IPO11: variants seen among roughly 807,000 people sequenced by gnomAD.
The protein encoded by IPO11 is importin-11.
A neutral mutation model predicts 143.2 loss-of-function variants in IPO11; 66 were observed. The ratio of observed to expected loss-of-function variants is 0.46; its 90% confidence interval spans 0.38 to 0.57. The LOEUF is 0.57. Ranked by LOEUF, IPO11 falls within the 20% of genes least tolerant of loss-of-function variation. The pLI is 0.00. For synonymous variants in IPO11, 385 were observed against 377.8 expected (o/e 1.02, Z -0.22); for missense variants, 1,026 against 1,141.0 (o/e 0.90, Z 1.45).
At chr5:62,553,127 C>T (rs935964343) in intron 26 of IPO11, among the ~76,000 whole-genome samples, 4 of 152,016 alleles carry the variant, frequency 2.6e-5, no homozygotes, top group Non-Finnish European at 5.9e-5. Context: ...CTTACCTTTC[C>T]CAGTCTAGTA....
At position 62,515,369 on chromosome 5, in the gene IPO11, T is replaced by G. The variant is rs762944327; in HGVS notation, c.1783-19T>G. 6.4e-7 allele frequency: 1 copy of G among 1,554,234 alleles called. No individual in the cohort carries two copies. Among genetic ancestry groups the G allele is most frequent in the African/African-American group, 1.4e-5 (1 of 72,352 alleles). ...TTACCAATAAAATTTTGTTGTTTCC[T>G]CTACTTATATTGTAATAGATACGAC... On this transcript the variant is annotated intron_variant, in intron 19 of 29. Transcript: ENST00000325324.
intron 20 of IPO11, among the ~76,000 whole-genome samples, chr5:62,517,764 A>G (rs2112290402): frequency 1.3e-5 from 2 of 152,288 alleles, no homozygotes; most frequent in South Asian, 4.1e-4. Context: ...CTAAACACCA[A>G]CTTTCAAGTC....
chr5:62,434,113 C>A (rs1744085971), intron 1 of IPO11, among the ~76,000 whole-genome samples: 1 of 152,154 alleles, frequency 6.6e-6, no homozygotes, highest in South Asian at 2.1e-4. Context: ...AAGTGTCAGT[C>A]ATGTTGGCCT....
chr5:62,615,559 A>G (rs1746099297), intron 29 of IPO11, among the ~76,000 whole-genome samples: 1 of 152,184 alleles, frequency 6.6e-6, no homozygotes, highest in Non-Finnish European at 1.5e-5. Context: ...AATCCCTGGA[A>G]CCTGTGAATG....
chr5:62,448,806 A>G (rs1312033366), intron 3 of IPO11, among the ~76,000 whole-genome samples: 1 of 152,144 alleles, frequency 6.6e-6, no homozygotes, highest in African/African-American at 2.4e-5. Context: ...CAGTCCTTCT[A>G]TCTCAGCCTC....
intron 3 of IPO11, among the ~76,000 whole-genome samples, chr5:62,444,088 T>G (rs1186225772): frequency 6.6e-6 from 1 of 151,004 alleles, no homozygotes; most frequent in African/African-American, 2.4e-5. Flanking sequence ...AAAGCAGACA[T>G]GTCTTTTTCT....
chr5:62,612,242 A>G (rs1442193050), intron 29 of IPO11, among the ~76,000 whole-genome samples: 2 of 152,198 alleles, frequency 1.3e-5, no homozygotes, highest in South Asian at 2.1e-4. Context: ...TGTTAAAAAA[A>G]TCATTCAAAG....
chr5:62,550,315 C>G, intron 24 of IPO11, 52 bp from the exon 25 acceptor site: 2 of 1,352,576 alleles, frequency 1.5e-6, no homozygotes, highest in East Asian at 2.3e-5. Context: ...ATGTGTTTTT[C>G]ATAAAGCAAT....
intron 19 of IPO11, 35 bp from the exon 20 acceptor site, chr5:62,515,353 A>T (rs765325018): frequency 6.8e-7 from 1 of 1,463,788 alleles, no homozygotes; most frequent in South Asian, 1.2e-5. Flanking sequence ...TTTACCAATA[A>T]AATTTTGTTG....
chr5:62,428,567 C>T (rs1488446636), intron 1 of IPO11, among the ~76,000 whole-genome samples: 2 of 152,108 alleles, frequency 1.3e-5, no homozygotes, highest in Admixed American at 1.3e-4. Context: ...TGGTCTTGAA[C>T]TCCTGACGTC....
intron 1 of IPO11, among the ~76,000 whole-genome samples, chr5:62,428,586 C>T (rs1432622531): frequency 6.6e-6 from 1 of 152,106 alleles, no homozygotes; most frequent in African/African-American, 2.4e-5. Context: ...TCGTGATCCA[C>T]CCACCTCAGC....
In IPO11 at chr5:62,524,785, A is replaced by G. The variant is rs570587487; in HGVS notation, c.1897-1357A>G. On this transcript the variant is annotated intron_variant, in intron 20 of 29. Coordinates refer to ENST00000325324, the MANE Select transcript of IPO11 (RefSeq NM_016338.5). ...AATCCCAACAATTGAACTTAGTAGT[A>G]TGTGTCATCAAAAGGGGAATACATA... 3.9e-5 allele frequency among the ~76,000 whole-genome samples: 6 copies of G among 152,342 alleles called. No individual in the cohort carries two copies. In the South Asian group the frequency reaches 1.2e-3, roughly 32 times the overall value.
chr5:62,502,458 T>C (rs1450672288), intron 16 of IPO11, among the ~76,000 whole-genome samples: 1 of 152,242 alleles, frequency 6.6e-6, no homozygotes, highest in African/African-American at 2.4e-5. Flanking sequence ...GTTTTTCTTA[T>C]GTTTATTTGT....
At position 62,551,417 on chromosome 5, in the gene IPO11, T is replaced by C. The variant is rs945186999; in HGVS notation, c.2460+81T>C. 1.8e-5 allele frequency: 14 copies of C among 761,142 alleles called. No individual in the cohort carries two copies. The African/African-American group carries it at 2.3e-4, about 13-fold the overall frequency. 47.1% of individuals were successfully genotyped at this position (761,142 alleles called of 1,614,324 possible). On this transcript the variant is annotated intron_variant, in intron 26 of 29. Coordinates refer to ENST00000325324, the MANE Select transcript of IPO11 (RefSeq NM_016338.5). ...ATAGTTTGATGAAATAATGAGTCTT[T>C]GTAAAAGTCGCTTTGTAGTATTTAG...
intron 16 of IPO11, among the ~76,000 whole-genome samples, chr5:62,496,930 G>A (rs959798573): frequency 2.0e-5 from 3 of 152,120 alleles, no homozygotes; most frequent in Admixed American, 6.6e-5. Flanking sequence ...TCTGCCCAGC[G>A]GCCTCTGATG....
At chr5:62,464,057 C>T (rs1745478188) in intron 5 of IPO11, among the ~76,000 whole-genome samples, 1 of 151,190 alleles carries the variant, frequency 6.6e-6, no homozygotes, top group South Asian at 2.1e-4. Flanking sequence ...CTCCTGACCT[C>T]AGGTGATCCA....
At chr5:62,439,104 C>A (rs6866966) in intron 2 of IPO11, among the ~76,000 whole-genome samples, 2 of 151,098 alleles carry the variant, frequency 1.3e-5, no homozygotes, top group Non-Finnish European at 2.9e-5. Context: ...ACTCTCCTTA[C>A]GCTTATTTAA....
At chr5:62,416,707 C>G (rs1252177578) in intron 1 of IPO11, among the ~76,000 whole-genome samples, 1 of 148,410 alleles carries the variant, frequency 6.7e-6, no homozygotes, top group East Asian at 2.0e-4. Flanking sequence ...ACCCAAGTCT[C>G]TTATTATCTT....
At chr5:62,486,572 A>T (rs1746414161) in intron 12 of IPO11, among the ~76,000 whole-genome samples, 1 of 152,160 alleles carries the variant, frequency 6.6e-6, no homozygotes, top group Non-Finnish European at 1.5e-5. Flanking sequence ...ACCAGATGTG[A>T]TGTTTGAGCT....
Sources: allele counts gnomAD v4.1 joint callset (sites outside exome capture counted in the v4.1 genomes callset), GRCh38; gene constraint gnomAD v4.1.1; transcripts MANE v1.5; gene names NCBI Gene and HGNC (gene_info 2026-07-23, HGNC 2026-07-21).